The following CASP8 variants were observed in gnomAD, a reference collection of about 807,000 sequenced individuals.
The protein encoded by CASP8 is caspase-8.
CASP8 carries 24 observed loss-of-function variants against 46.3 expected under a neutral mutation model. The ratio of observed to expected loss-of-function variants is 0.52; its 90% CI spans 0.38 to 0.73. The LOEUF (loss-of-function observed/expected upper bound fraction) is 0.73, where lower values mean the gene tolerates loss of function less well. Among genes scored for constraint, CASP8 ranks in the 30% least tolerant of loss-of-function variants. The pLI, the probability that CASP8 is intolerant of heterozygous loss-of-function variation, is 0.00. For missense variants in CASP8, 460 were observed against 559.0 expected (o/e 0.82, Z 1.79); for synonymous variants, 188 against 200.4 (o/e 0.94, Z 0.52).
upstream of CASP8, chr2:201,258,469 G>A (rs2125050042): frequency 6.5e-7 from 1 of 1,527,306 alleles, no homozygotes; most frequent in Non-Finnish European, 9.1e-7. Flanking sequence ...GGGCTGTGGG[G>A]GTGGGGAAGC....
Position 201,286,473 on chromosome 2 carries a change from T to G in CASP8, c.1319T>G (p.Leu440Arg). Residue 440 changes from leucine to arginine, a missense_variant, in exon 9 of 9, where the codon CTC (leucine) becomes CGC (arginine). Coordinates refer to ENST00000673742, the MANE Select transcript of CASP8 (RefSeq NM_001372051.1). ...ATGTATTTCAGAGGCGATGATATTC[T>G]CACCATCCTGACTGAAGTGAACTAT... ...RERCPRGDDI[L>R]TILTEVNYEV... The G allele has an allele frequency of 6.2e-7, 1 of 1,612,688 alleles. No homozygotes were observed. The highest frequency in any genetic ancestry group is 8.5e-7 in the Non-Finnish European group (1 of 1,178,712).
At chr2:201,237,658 T>C (rs1237761264) in intron 2 of CASP8, among the ~76,000 whole-genome samples, 5 of 152,174 alleles carry the variant, frequency 3.3e-5, no homozygotes, top group Non-Finnish European at 7.3e-5. Context: ...GACAGTTTTT[T>C]TCCCACTTGC....
intron 2 of CASP8, among the ~76,000 whole-genome samples, chr2:201,239,045 G>A (rs2124880596): frequency 6.6e-6 from 1 of 152,268 alleles, no homozygotes; most frequent in South Asian, 2.1e-4. Flanking sequence ...TCAACCCTGA[G>A]TGGATACAGC....
chr2:201,258,770 GTC>G, upstream of CASP8, among the ~76,000 whole-genome samples: 1 of 137,750 alleles, frequency 7.3e-6, no homozygotes, highest in African/African-American at 2.8e-5. Flanking sequence ...CTGTCATTCT[GTC>G]GAATCACGAT....
intron 7 of CASP8, among the ~76,000 whole-genome samples, chr2:201,283,108 T>C (rs1251031498): frequency 2.1e-5 from 1 of 48,178 alleles, no homozygotes. Context: ...CCCCCCCACC[T>C]CCCTCCTGGG....
At chr2:201,286,307 C>T in intron 8 of CASP8, 152 bp from the exon 9 acceptor site, 2 of 839,172 alleles carry the variant, frequency 2.4e-6, no homozygotes, top group South Asian at 1.5e-5. Context: ...ACCAGGAAAG[C>T]TGGGGTAGGT....
chr2:201,250,425 T>C (rs969274793), intron 2 of CASP8, among the ~76,000 whole-genome samples: 3 of 152,246 alleles, frequency 2.0e-5, no homozygotes, highest in African/African-American at 4.8e-5. Context: ...AGCATGATGC[T>C]GGCATCTGCT....
At chr2:201,285,695 C>A (rs1949526734) in intron 8 of CASP8, among the ~76,000 whole-genome samples, 1 of 152,210 alleles carries the variant, frequency 6.6e-6, no homozygotes, top group African/African-American at 2.4e-5. Context: ...CAAAACATGA[C>A]TGAGCCAATT....
chr2:201,271,397 C>A, intron 2 of CASP8, 119 bp from the exon 3 acceptor site: 1 of 736,992 alleles, frequency 1.4e-6, no homozygotes, highest in South Asian at 1.4e-5. Context: ...ATAAACCATG[C>A]CATTAACTGG....
chr2:201,271,341 T>G (rs975665540), intron 2 of CASP8, among the ~76,000 whole-genome samples, 175 bp from the exon 3 acceptor site: 5 of 152,240 alleles, frequency 3.3e-5, no homozygotes, highest in African/African-American at 1.2e-4. Flanking sequence ...GAGGAGCCAG[T>G]AGACTTCTGT....
At chr2:201,257,797 A>G (rs1260341785), upstream of CASP8, among the ~76,000 whole-genome samples, 1 of 152,286 alleles carries the variant, frequency 6.6e-6, no homozygotes, top group East Asian at 1.9e-4. Context: ...CTGAGGTTTG[A>G]TCAAGGCAAA....
intron 7 of CASP8, among the ~76,000 whole-genome samples, chr2:201,279,416 C>G (rs1948856645): frequency 6.6e-6 from 1 of 152,200 alleles, no homozygotes; most frequent in Non-Finnish European, 1.5e-5. Context: ...TTCCAAGACA[C>G]TGGCAGCAGA....
At chr2:201,273,408 G>C (rs1948421162) in intron 5 of CASP8, among the ~76,000 whole-genome samples, 1 of 152,136 alleles carries the variant, frequency 6.6e-6, no homozygotes, top group Non-Finnish European at 1.5e-5. Context: ...TTTGAAATAG[G>C]TGCAGAGTTA....
At chr2:201,285,728 A>G (rs1276877762) in intron 8 of CASP8, among the ~76,000 whole-genome samples, 1 of 152,222 alleles carries the variant, frequency 6.6e-6, no homozygotes, top group South Asian at 2.1e-4. Context: ...GAAATCTTCC[A>G]AGAAGGCAGT....
intron 1 of CASP8, among the ~76,000 whole-genome samples, 192 bp downstream of exon 1, chr2:201,260,805 G>A (rs1361756541): frequency 6.6e-6 from 1 of 152,184 alleles, no homozygotes; most frequent in African/African-American, 2.4e-5. Context: ...GAGCCTTGCC[G>A]AGGGCCGTGC....
At chr2:201,243,866 A>G (rs1393880528) in intron 2 of CASP8, among the ~76,000 whole-genome samples, 1 of 152,214 alleles carries the variant, frequency 6.6e-6, no homozygotes, top group African/African-American at 2.4e-5. Flanking sequence ...CGCATGGATT[A>G]TACACAAAGT....
intron 2 of CASP8, among the ~76,000 whole-genome samples, chr2:201,250,700 G>A (rs1946739236): frequency 6.6e-6 from 1 of 152,216 alleles, no homozygotes; most frequent in South Asian, 2.1e-4. Flanking sequence ...ATGAGTTTGG[G>A]TGAGGACACA....
Position 201,247,190 on chromosome 2 carries a change from C to CAAAA in CASP8, c.-27+13100_-27+13103dup, listed in dbSNP as rs71022356. Among the ~76,000 whole-genome samples the CAAAA allele has an allele frequency of 4.1e-3, 332 of 81,368 alleles. 9 individuals are homozygous for CAAAA. The highest frequency in any genetic ancestry group is 0.016 in the African/African-American group (302 of 19,396). The allele number at this position is 81,368 out of a possible 152,430, so 53.4% of individuals were successfully genotyped here. A position where few individuals can be genotyped will look rare whatever the true frequency, so the allele number is the denominator to read the frequency against. ...GGCGGCAGAGTGAGACTGTCTGTCT[C>CAAAA]AAAAAAAAAAAAAAAAAAAAAAAAA... On this transcript the variant is annotated intron_variant, in intron 2 of 6. Transcript: ENST00000264274.
rs571969819 is a variant in CASP8, at chr2:201,261,247, C to T, written c.-27+634C>T. 5.8e-3 allele frequency among the ~76,000 whole-genome samples: 888 copies of T among 152,002 alleles called. 3 individuals carry two copies. The highest frequency in any genetic ancestry group is 0.01 in the Middle Eastern group (3 of 294). On this transcript the variant is annotated intron_variant, in intron 1 of 8. Transcript: ENST00000673742. ...TCTCTACTAAAAATACAAAATTAGC[C>T]GGGCATGATGGCGCATGCCTGTAAT... is the stretch of plus-strand genomic sequence containing the variant.
Sources: gnomAD v4.1 joint callset for allele counts (sites outside exome capture counted in the v4.1 genomes callset) on GRCh38, gnomAD v4.1.1 for gene constraint, MANE v1.5 for transcripts, NCBI Gene and HGNC (gene_info 2026-07-23, HGNC 2026-07-21) for gene names.